PREX1: variants seen among roughly 807,000 people sequenced by gnomAD.
The protein encoded by PREX1 is phosphatidylinositol 3,4,5-trisphosphate-dependent Rac exchanger 1 protein.
Under a neutral mutation model 198.3 loss-of-function variants are expected in PREX1, and 41 were observed. That is an observed-to-expected ratio of 0.21 (90% CI 0.16 to 0.27). The LOEUF (loss-of-function observed/expected upper bound fraction) is 0.27, where lower values mean the gene tolerates loss of function less well. PREX1 is among the 10% of genes least tolerant of loss of function. PREX1 has a pLI of 1.00. For synonymous variants in PREX1, 843 were observed against 887.2 expected (o/e 0.95, Z 0.89); for missense variants, 1,620 against 2,200.7 (o/e 0.74, Z 5.28).
At chr20:48,750,934 T>C (rs908138488) in intron 1 of PREX1, among the ~76,000 whole-genome samples, 20 of 152,168 alleles carry the variant, frequency 1.3e-4, no homozygotes, top group Non-Finnish European at 1.3e-4. Context: ...TCTCTAAGTC[T>C]TCATTTACTC....
At chr20:48,778,121 C>T (rs892333590) in intron 1 of PREX1, among the ~76,000 whole-genome samples, 1 of 152,138 alleles carries the variant, frequency 6.6e-6, no homozygotes, top group Admixed American at 6.5e-5. Context: ...TTCTGTTTCC[C>T]TACAGAAATT....
chr20:48,744,767 C>T (rs1008017859), intron 3 of PREX1, among the ~76,000 whole-genome samples: 5 of 152,196 alleles, frequency 3.3e-5, no homozygotes, highest in African/African-American at 1.2e-4. Context: ...GACTCCAGGA[C>T]ACATGCATTC....
intron 27 of PREX1, 116 bp from the exon 28 acceptor site, chr20:48,642,605 G>A: frequency 1.1e-6 from 1 of 903,854 alleles, no homozygotes; most frequent in East Asian, 2.6e-5. Flanking sequence ...AAGGGATGTG[G>A]AGTCTGAAGA....
At chr20:48,745,423 C>A (rs1315332302) in intron 2 of PREX1, among the ~76,000 whole-genome samples, 1 of 152,214 alleles carries the variant, frequency 6.6e-6, no homozygotes, top group Non-Finnish European at 1.5e-5. Flanking sequence ...GAGATAGAAA[C>A]TATTGTTATG....
chr20:48,651,448 T>C lies in PREX1; in HGVS notation c.2603A>G (p.His868Arg), dbSNP rs1413867339. 9 of 1,613,742 alleles carry C rather than the reference T, an allele frequency of 5.6e-6. No homozygotes were observed. Among genetic ancestry groups the C allele is most frequent in the African/African-American group, 2.7e-5 (2 of 74,942 alleles). ...GGGCTCCACGATCTTCTCCAGCACA[T>C]GGCACCTGACGCCTGCCGTGCTCAC... ...EYVSTAGVRC[H>R]VLEKIVEPRG... The change falls in exon 22 of 40, where the codon CAT (histidine) becomes CGT (arginine). Residue 868 changes from histidine to arginine, a missense_variant. His to Arg is a conservative substitution (Grantham distance 29). Coordinates refer to ENST00000371941, the MANE Select transcript of PREX1 (RefSeq NM_020820.4).
At chr20:48,668,244 G>C (rs2089652454) in intron 14 of PREX1, among the ~76,000 whole-genome samples, 1 of 152,178 alleles carries the variant, frequency 6.6e-6, no homozygotes, top group South Asian at 2.1e-4. Flanking sequence ...GCAGAAGCTT[G>C]GAGCGCAGAG....
chr20:48,802,617 C>G (rs2090392656), intron 1 of PREX1, among the ~76,000 whole-genome samples: 1 of 152,176 alleles, frequency 6.6e-6, no homozygotes, highest in African/African-American at 2.4e-5. Context: ...CAAGATTTTT[C>G]TCATTTGTTA....
rs1170686294 is a variant in PREX1 at position 48,775,866 on chromosome 20, G to A, written c.220-27986C>T. 2.6e-5 allele frequency among the ~76,000 whole-genome samples: 4 copies of A among 152,122 alleles called. No homozygotes were observed. In the South Asian group the frequency reaches 6.2e-4, roughly 24 times the overall value. ...ATTAAACCTCTTGCTTTTGTAAATT[G>A]CCCAGTGTCGGGTATGTCTTTATCA... On this transcript the variant is annotated intron_variant, in intron 1 of 39. Transcript: ENST00000371941.
At chr20:48,868,961 C>T in the PREX1 span, among the ~76,000 whole-genome samples, 19 of 152,038 alleles carry the variant, frequency 1.2e-4, no homozygotes, top group East Asian at 3.3e-3. Context: ...ATTGCAGCCT[C>T]GACCTCTTGG....
At chr20:48,760,485 G>T (rs1421317355) in intron 1 of PREX1, among the ~76,000 whole-genome samples, 1 of 151,902 alleles carries the variant, frequency 6.6e-6, no homozygotes, top group Non-Finnish European at 1.5e-5. Flanking sequence ...TGCCAACCAC[G>T]TGACTTCAGC....
At chr20:48,812,097 T>C (rs1374124283) in intron 1 of PREX1, among the ~76,000 whole-genome samples, 2 of 152,220 alleles carry the variant, frequency 1.3e-5, no homozygotes, top group African/African-American at 2.4e-5. Context: ...AATAATTTCT[T>C]TGGGCTAATA....
rs556863544 is a variant in PREX1, at chr20:48,821,086, C to T, written c.219+6556G>A. On this transcript the variant is annotated intron_variant, in intron 1 of 39. Transcript: ENST00000371941. ...GCATGGTGGCACGTGCCTGTAGTCC[C>T]AGCTATTCGGGAGGATGAGGCAAGA... Among the ~76,000 whole-genome samples the T allele has an allele frequency of 9.2e-5, 14 of 152,242 alleles. No individual in the cohort carries two copies. In the East Asian group the frequency reaches 2.7e-3, roughly 29 times the overall value.
At chr20:48,850,005 T>C in the PREX1 span, among the ~76,000 whole-genome samples, 13 of 152,176 alleles carry the variant, frequency 8.5e-5, no homozygotes, top group African/African-American at 3.1e-4. Flanking sequence ...AACTTCTCTG[T>C]GCATCAGTTT....
chr20:48,790,702 T>G (rs1423660849), intron 1 of PREX1, among the ~76,000 whole-genome samples: 1 of 152,146 alleles, frequency 6.6e-6, no homozygotes, highest in Non-Finnish European at 1.5e-5. Flanking sequence ...AGGCACGCCC[T>G]AGAGGAAGCC....
Position 48,651,702 on chromosome 20 carries a change from G to A in PREX1, c.2468-119C>T, listed in dbSNP as rs188319575. 20 of 935,226 alleles carry A rather than the reference G, an allele frequency of 2.1e-5. No homozygotes were observed. In the African/African-American group the frequency reaches 3.1e-4, roughly 15 times the overall value. The allele number at this position is 935,226 out of a possible 1,614,324, so 57.9% of individuals were successfully genotyped here. ...GGAACAGCAAGTGCAAAGGCCCCAG[G>A]GCAGGAGTACATTCCGCCAGAGTAG... On this transcript the variant is annotated intron_variant, in intron 21 of 39. Transcript: ENST00000371941.
At chr20:48,651,800 C>A (rs956714740) in intron 21 of PREX1, among the ~76,000 whole-genome samples, 5 of 152,228 alleles carry the variant, frequency 3.3e-5, no homozygotes, top group Admixed American at 1.3e-4. Flanking sequence ...CATCCAAGGC[C>A]TGGCCCTGAG....
At chr20:48,655,159 G>A in intron 19 of PREX1, 131 bp downstream of exon 19, 4 of 988,356 alleles carry the variant, frequency 4.0e-6, no homozygotes, top group Non-Finnish European at 4.4e-6. Context: ...TTGGCATCAG[G>A]CAAAGAAAAT....
chr20:48,753,802 G>A (rs970741848), intron 1 of PREX1, among the ~76,000 whole-genome samples: 1 of 152,112 alleles, frequency 6.6e-6, no homozygotes, highest in Non-Finnish European at 1.5e-5. Flanking sequence ...GGCAGGAGAG[G>A]TCCCTCCTCT....
rs530674400 is a variant in PREX1, at chr20:48,660,859, G to C, written c.1739-798C>G. Among the ~76,000 whole-genome samples the C allele has an allele frequency of 2.0e-5, 3 of 152,318 alleles. No individual in the cohort carries two copies. The South Asian group carries it at 6.2e-4, about 32-fold the overall frequency. ...AGCAAACTCCAATGAGCAGTAATTTGTGAAAAGGCGCTCAGACCTCTCAGA... is the reference window on the plus strand; with the variant it reads ...AGCAAACTCCAATGAGCAGTAATTTCTGAAAAGGCGCTCAGACCTCTCAGA... On this transcript the variant is annotated intron_variant, in intron 15 of 39. Transcript: ENST00000371941.
Sources: allele counts gnomAD v4.1 joint callset (sites outside exome capture counted in the v4.1 genomes callset), GRCh38; gene constraint gnomAD v4.1.1; transcripts MANE v1.5; gene names NCBI Gene and HGNC (gene_info 2026-07-23, HGNC 2026-07-21).